Variants in ITIH5 observed in about 807,000 individuals in gnomAD.
The protein encoded by ITIH5 is inter-alpha-trypsin inhibitor heavy chain H5.
Under a neutral mutation model 77.5 loss-of-function variants are expected in ITIH5, and 65 were observed. The observed-to-expected ratio is 0.84, with a 90% CI of 0.69 to 1.03. ITIH5 has a LOEUF of 1.03. Ranked by LOEUF, ITIH5 falls within the 50% of genes least tolerant of loss-of-function variation. The pLI is 0.00. For missense variants in ITIH5, 1,208 were observed against 1,213.1 expected, an observed-to-expected ratio of 1.00 and a Z score of 0.06; for synonymous variants, 525 against 494.3, an observed-to-expected ratio of 1.06 and a Z score of -0.82.
chr10:7,584,310 CTT>C (rs148774385), intron 8 of ITIH5, among the ~76,000 whole-genome samples: 23 of 127,176 alleles, frequency 1.8e-4, no homozygotes, highest in Non-Finnish European at 2.2e-4. Context: ...TTTTTTTTTT[CTT>C]TTTTTTTTTT....
At chr10:7,575,370 G>C (rs969406117) in intron 10 of ITIH5, among the ~76,000 whole-genome samples, 4 of 152,182 alleles carry the variant, frequency 2.6e-5, no homozygotes, top group African/African-American at 9.7e-5. Flanking sequence ...TCCACACCCA[G>C]GTCCTTCTAA....
intron 1 of ITIH5, among the ~76,000 whole-genome samples, chr10:7,665,093 T>C (rs1588436652): frequency 6.6e-6 from 1 of 152,096 alleles, no homozygotes; most frequent in East Asian, 1.9e-4. Flanking sequence ...ATACCTTGGA[T>C]TTTTTTTCCT....
chr10:7,605,200 T>C (rs972769440), intron 7 of ITIH5, among the ~76,000 whole-genome samples: 1 of 151,724 alleles, frequency 6.6e-6, no homozygotes, highest in African/African-American at 2.4e-5. Flanking sequence ...AGAGACACGC[T>C]TTCTCCTGCC....
intron 1 of ITIH5, among the ~76,000 whole-genome samples, chr10:7,658,563 ACAGCTGCTTGG>A (rs1281322974): frequency 1.3e-5 from 2 of 152,152 alleles, no homozygotes; most frequent in East Asian, 3.9e-4. Context: ...GTGTCGGGGC[ACAGCTGCTTGG>A]TTTTATACAT....
chr10:7,565,303 GTA>G (rs149562316), intron 13 of ITIH5, among the ~76,000 whole-genome samples: 9 of 146,268 alleles, frequency 6.2e-5, no homozygotes, highest in African/African-American at 1.0e-4. Context: ...CATACAGACT[GTA>G]TATATATATA....
intron 8 of ITIH5, among the ~76,000 whole-genome samples, chr10:7,580,518 C>T (rs934484443): frequency 6.6e-6 from 1 of 152,228 alleles, no homozygotes; most frequent in East Asian, 1.9e-4. Context: ...AAAGCAAGTG[C>T]ATTTACTAAA....
chr10:7,643,720 T>C (rs1295605712), intron 2 of ITIH5, among the ~76,000 whole-genome samples: 2 of 152,230 alleles, frequency 1.3e-5, no homozygotes, highest in African/African-American at 2.4e-5. Context: ...GCCCTAGGCC[T>C]GTTTTCAAAA....
intron 10 of ITIH5, among the ~76,000 whole-genome samples, chr10:7,574,746 T>G (rs943582941): frequency 7.4e-6 from 1 of 134,422 alleles, no homozygotes; most frequent in African/African-American, 3.0e-5. Context: ...TGAGCCGAGA[T>G]AGCACCACTG....
chr10:7,620,785 G>C (rs1205094854), intron 5 of ITIH5: 3 of 152,116 alleles, frequency 2.0e-5, no homozygotes, highest in African/African-American at 7.2e-5. Context: ...ATTAGGACCA[G>C]GGAGAGAGTT....
rs1432941763 is a variant in ITIH5 at position 7,560,546 on chromosome 10, A to G, written c.*2537T>C. On this transcript the variant is annotated 3_prime_UTR_variant, in exon 14 of 14. Coordinates refer to ENST00000397146, the MANE Select transcript of ITIH5 (RefSeq NM_030569.7). ...AAGTTGTAAAGCATTAAAAAGTCAA[A>G]TGGAGGAAGATGGTGCACCTAGCAT... 6.6e-6 allele frequency: 1 copy of G among 152,162 alleles called. No homozygotes were observed. The highest frequency in any genetic ancestry group is 1.5e-5 in the Non-Finnish European group (1 of 68,052). 9.4% of individuals were successfully genotyped at this position (152,162 alleles called of 1,614,324 possible). A position where few individuals can be genotyped will look rare whatever the true frequency, so the allele number is the denominator to read the frequency against.
chr10:7,655,764 T>A, intron 1 of ITIH5, 89 bp from the exon 2 acceptor site: 1 of 991,490 alleles, frequency 1.0e-6, no homozygotes, highest in Non-Finnish European at 1.6e-6. Context: ...ACATGAGTTA[T>A]ACAAGGGGGT....
At chr10:7,599,537 T>C (rs994374420) in intron 7 of ITIH5, among the ~76,000 whole-genome samples, 3 of 152,226 alleles carry the variant, frequency 2.0e-5, no homozygotes, top group African/African-American at 7.2e-5. Context: ...GCATGTTTCA[T>C]TGTACAGGTG....
intron 13 of ITIH5, among the ~76,000 whole-genome samples, chr10:7,565,205 TACAC>T (rs1241180450): frequency 4.5e-5 from 6 of 132,808 alleles, no homozygotes; most frequent in East Asian, 2.2e-4. Flanking sequence ...TACACACACA[TACAC>T]ACACATCATA....
At chr10:7,572,462 A>G in intron 11 of ITIH5, 3 of 1,327,164 alleles carry the variant, frequency 2.3e-6, no homozygotes, top group South Asian at 2.4e-5. Context: ...TTTTGGTAGC[A>G]CCATTTTATG....
At chr10:7,571,395 CTTTATT>C (rs1832294939) in intron 11 of ITIH5, 1 of 152,100 alleles carries the variant, frequency 6.6e-6, no homozygotes, top group Non-Finnish European at 1.5e-5. Flanking sequence ...CTTCCATACA[CTTTATT>C]TTTAATTTAT....
At chr10:7,584,310 CT>C (rs148774385) in intron 8 of ITIH5, among the ~76,000 whole-genome samples, 44,321 of 126,114 alleles carry the variant, frequency 0.35, 6,687 homozygotes, top group East Asian at 0.49. Context: ...TTTTTTTTTT[CT>C]TTTTTTTTTT....
chr10:7,618,862 G>C (rs979190025), intron 5 of ITIH5: 4 of 152,204 alleles, frequency 2.6e-5, no homozygotes, highest in Admixed American at 6.5e-5. Flanking sequence ...TAACAAAATA[G>C]GCAATTATTT....
chr10:7,597,527 A>C (rs111955617), intron 7 of ITIH5, among the ~76,000 whole-genome samples: 1 of 144,678 alleles, frequency 6.9e-6, no homozygotes, highest in East Asian at 2.1e-4. Flanking sequence ...ATAGACACCC[A>C]TACACAGCAT....
chr10:7,571,914 T>C (rs1832307528), intron 11 of ITIH5: 3 of 948,890 alleles, frequency 3.2e-6, no homozygotes, highest in South Asian at 4.8e-5. Context: ...GCGGGACCCA[T>C]GGAGATAGAG....
Sources: allele counts gnomAD v4.1 joint callset (sites outside exome capture counted in the v4.1 genomes callset), GRCh38; gene constraint gnomAD v4.1.1; transcripts MANE v1.5; gene names NCBI Gene and HGNC (gene_info 2026-07-23, HGNC 2026-07-21).